ADAMTS10: variants seen among roughly 807,000 people sequenced by gnomAD.
ADAMTS10 encodes A disintegrin and metalloproteinase with thrombospondin motifs 10.
ADAMTS10 carries 48 observed loss-of-function variants against 135.9 expected under a neutral mutation model. That is an observed-to-expected ratio of 0.35 (90% CI 0.28 to 0.45). ADAMTS10 has a LOEUF of 0.45. Among genes scored for constraint, ADAMTS10 ranks in the 20% least tolerant of loss-of-function variants. The probability of loss-of-function intolerance (pLI) is 1.00; values close to 1 mark genes in which losing one functional copy is unlikely to be tolerated. For synonymous variants in ADAMTS10, 621 were observed against 647.5 expected (o/e 0.96, Z 0.62); for missense variants, 1,131 against 1,565.2 (o/e 0.72, Z 4.68).
chr19:8,591,836 C>T lies in ADAMTS10; in HGVS notation c.1761G>A (p.Leu587=), dbSNP rs1568398178. The T allele has an allele frequency of 1.2e-6, 2 of 1,613,802 alleles. No homozygotes were observed. The highest frequency in any genetic ancestry group is 1.7e-6 in the Non-Finnish European group (2 of 1,180,024). The change falls in exon 15 of 26, where the codon CTG becomes CTA. Residue 587 remains leucine, a synonymous_variant. Transcript: ENST00000597188. Reference sequence around the variant, plus strand: ...AGGAGCGGTGCCGCCTTCTCTCACCCAGACAGTACTTGCCCCCGATGGTTG... The same window carrying T: ...AGGAGCGGTGCCGCCTTCTCTCACCTAGACAGTACTTGCCCCCGATGGTTG... ...PRPTIGGKYC[L]GERRRHRSCN...
chr19:8,600,740 T>A (rs142032130), intron 6 of ADAMTS10, among the ~76,000 whole-genome samples, 188 bp downstream of exon 6: 2 of 151,956 alleles, frequency 1.3e-5, no homozygotes, highest in Non-Finnish European at 2.9e-5. Flanking sequence ...CCTTGTGATC[T>A]GCCCGCCTTG....
Position 8,597,294 on chromosome 19 carries a change from C to A in ADAMTS10, c.834G>T (p.Ser278=), listed in dbSNP as rs782449192. 3 of 1,613,874 alleles carry A rather than the reference C, an allele frequency of 1.9e-6. No individual in the cohort carries two copies. The African/African-American group carries it at 4.0e-5, about 22-fold the overall frequency. The change falls in exon 7 of 26, where the codon TCG becomes TCT. Residue 278 remains serine, a synonymous_variant. Coordinates refer to ENST00000597188, the MANE Select transcript of ADAMTS10 (RefSeq NM_030957.4). ...MNIVAKLFQD[S]SLGSTVNILV... is the part of the protein sequence containing the mutation. ...GGATGTTAACGGTGCTTCCCAGACT[C>A]GAGTCCTGGAAAAGTTTGGCAACCT...
At chr19:8,591,766 C>T (rs1182828116) in intron 15 of ADAMTS10, 34 bp downstream of exon 15, 6 of 1,611,310 alleles carry the variant, frequency 3.7e-6, no homozygotes, top group Middle Eastern at 1.7e-4. Context: ...AATGCTTCCT[C>T]CCCCCACCCC....
chr19:8,586,890 T>G lies in ADAMTS10; in HGVS notation c.2165A>C (p.Glu722Ala). ...GCCTTTGGGAATCCAGACGACATCC[T>G]CGTACCCTGAACAGCAGAGCTCAGA... ...FSPASPGAGY[E>A]DVVWIPKGSV... The change falls in exon 19 of 26, where the codon GAG becomes GCG. Residue 722 changes from glutamate to alanine, a missense_variant. Around this residue, in one of 3 missense-constraint regions of ADAMTS10, gnomAD observed 745 missense variants for 1,056.3 expected, o/e 0.71. Transcript: ENST00000597188. The G allele has an allele frequency of 6.2e-7, 1 of 1,614,144 alleles. No individual in the cohort carries two copies. Among genetic ancestry groups the G allele is most frequent in the East Asian group, 2.2e-5 (1 of 44,878 alleles).
chr19:8,585,600 G>A lies in ADAMTS10; in HGVS notation c.2721C>T (p.Arg907=), dbSNP rs782064165. ...SRSCDAGVRS[R]SVVCQRRVSA... is the part of the protein sequence containing the mutation. ...AGACGCGGCGCTGGCACACGACCGA[G>A]CGGCTGCGCACGCCTGCATCGCAGC... The change falls in exon 23 of 26, where the codon CGC becomes CGT. Residue 907 remains arginine (R), a synonymous_variant. Coordinates refer to ENST00000597188, the MANE Select transcript of ADAMTS10 (RefSeq NM_030957.4). The A allele has an allele frequency of 1.2e-6, 2 of 1,610,756 alleles. No individual in the cohort carries two copies. Among genetic ancestry groups the A allele is most frequent in the Non-Finnish European group, 8.5e-7 (1 of 1,179,096 alleles).
chr19:8,585,791 C>T (rs1159798024), intron 22 of ADAMTS10, 131 bp from the exon 23 acceptor site: 1 of 961,214 alleles, frequency 1.0e-6, no homozygotes, highest in East Asian at 2.6e-5. Context: ...CAGGCACCTC[C>T]ACATTCCACA....
chr19:8,586,316 T>C, intron 21 of ADAMTS10, 28 bp downstream of exon 21: 34 of 1,613,448 alleles, frequency 2.1e-5, no homozygotes, highest in Non-Finnish European at 2.8e-5. Flanking sequence ...CCCAGGTATC[T>C]TGTGCCTTCC....
intron 6 of ADAMTS10, among the ~76,000 whole-genome samples, chr19:8,597,848 G>A (rs1288546403): frequency 6.6e-6 from 1 of 151,570 alleles, no homozygotes; most frequent in Non-Finnish European, 1.5e-5. Context: ...TTTTTGTCTA[G>A]GGTGGAGTAC....
In ADAMTS10 at chr19:8,587,763, C is replaced by T. The variant is rs190239325; in HGVS notation, c.2159-867G>A. ...TGGCTAACACGGTGAAACCCCATCT[C>T]TACTAAAAATACAAAAAATTAGCCA... On this transcript the variant is annotated intron_variant, in intron 18 of 25. Coordinates refer to ENST00000597188, the MANE Select transcript of ADAMTS10 (RefSeq NM_030957.4). Among the ~76,000 whole-genome samples, 41 of 151,864 alleles carry T rather than the reference C, an allele frequency of 2.7e-4. No individual in the cohort carries two copies. The East Asian group carries it at 7.8e-3, about 29-fold the overall frequency.
Position 8,592,059 on chromosome 19 carries a change from C to G in ADAMTS10, c.1632G>C (p.Glu544Asp). The G allele has an allele frequency of 6.2e-7, 1 of 1,613,700 alleles. No homozygotes were observed. The highest frequency in any genetic ancestry group is 1.1e-5 in the South Asian group (1 of 91,056). Residue 544 changes from glutamate to aspartate, a missense_variant, in exon 14 of 26, where the codon GAG becomes GAC. Physicochemically the swap from Glu to Asp is conservative, Grantham distance 45. This residue lies in a region of ADAMTS10 where 745 missense variants were observed against 1,056.3 expected (regional missense o/e 0.71). Coordinates refer to ENST00000597188, the MANE Select transcript of ADAMTS10 (RefSeq NM_030957.4). ...ACGGCCCCCAGGCTCCGTCCACACC[C>G]TCTGGGCGCGACCCAAAGGGGACAC... Reference protein sequence around the residue: ...RVCVPFGSRPEGVDGAWGPWT... With the variant: ...RVCVPFGSRPDGVDGAWGPWT...
chr19:8,598,447 G>A (rs1485081553), intron 6 of ADAMTS10, among the ~76,000 whole-genome samples: 5 of 152,044 alleles, frequency 3.3e-5, no homozygotes, highest in African/African-American at 1.2e-4. Context: ...TCTGGAGACA[G>A]TGGTCAGAGG....
At position 8,596,448 on chromosome 19, in the gene ADAMTS10, G is replaced by T. The variant is rs2042606283; in HGVS notation, c.1085-36C>A. 1 of 1,613,220 alleles carries T rather than the reference G, an allele frequency of 6.2e-7. No individual in the cohort carries two copies. The highest frequency in any genetic ancestry group is 1.1e-5 in the South Asian group (1 of 91,048). ...GGACATGTGGGGATGGGGCTGGGAG[G>T]CTCAGGACGGTGCTGGCTGGCCCCA... On this transcript the variant is annotated intron_variant, in intron 9 of 25. Coordinates refer to ENST00000597188, the MANE Select transcript of ADAMTS10 (RefSeq NM_030957.4). The surrounding 1 kb of genome is among the most constrained non-coding windows in gnomAD (Gnocchi z 7.2).
In ADAMTS10 at chr19:8,585,663, G is replaced by A; in HGVS notation, c.2661-3C>T. The stretch of plus-strand genomic sequence containing the variant: ...GCGACCAGTTCCCTACAACCCAGCT[G>A]TAAGAGATGAAGGGGTCTGAGCAAG... On this transcript the variant is annotated splice_polypyrimidine_tract_variant and splice_region_variant and intron_variant, in intron 22 of 25. Transcript: ENST00000597188. The A allele has an allele frequency of 6.2e-7, 1 of 1,612,278 alleles. No individual in the cohort carries two copies. The highest frequency in any genetic ancestry group is 8.5e-7 in the Non-Finnish European group (1 of 1,179,624).
At chr19:8,600,592 A>G (rs1161414451) in intron 6 of ADAMTS10, among the ~76,000 whole-genome samples, 15 of 144,926 alleles carry the variant, frequency 1.0e-4, no homozygotes, top group East Asian at 2.1e-4. Context: ...TCTGCCTCCC[A>G]GGTTCACGCC....
At chr19:8,591,748 C>A in intron 15 of ADAMTS10, 52 bp downstream of exon 15, 2 of 1,606,242 alleles carry the variant, frequency 1.2e-6, no homozygotes, top group Non-Finnish European at 1.7e-6. Flanking sequence ...CCTCTGATAG[C>A]TGTTTTTAAT....
chr19:8,602,455 A>G (rs1338254373), intron 5 of ADAMTS10, among the ~76,000 whole-genome samples: 1 of 152,106 alleles, frequency 6.6e-6, no homozygotes, highest in Non-Finnish European at 1.5e-5. Context: ...AGTAGCTGGA[A>G]TTACAGGTGT....
chr19:8,594,260 A>C (rs959313942), intron 12 of ADAMTS10, among the ~76,000 whole-genome samples: 1 of 152,160 alleles, frequency 6.6e-6, no homozygotes, highest in Admixed American at 6.5e-5. Flanking sequence ...CAGTTTACTC[A>C]TCTACAAGAT....
At chr19:8,592,186 C>G in intron 13 of ADAMTS10, 83 bp from the exon 14 acceptor site, 1 of 1,600,146 alleles carries the variant, frequency 6.2e-7, no homozygotes, top group African/African-American at 1.4e-5. Flanking sequence ...CTCCAGGCCC[C>G]AGCCAGAGAT....
At chr19:8,610,313 G>A (rs2042766672) in intron 1 of ADAMTS10, among the ~76,000 whole-genome samples, 2 of 147,764 alleles carry the variant, frequency 1.4e-5, no homozygotes, top group African/African-American at 5.0e-5. Flanking sequence ...CGCGCACATA[G>A]CAAACCCCTA....
Sources: gnomAD v4.1 joint callset for allele counts (sites outside exome capture counted in the v4.1 genomes callset) on GRCh38, gnomAD v4.1.1 for gene constraint, gnomAD v4.1.1 regional missense constraint, Gnocchi (gnomAD v3.1) non-coding constraint, MANE v1.5 for transcripts, NCBI Gene and HGNC (gene_info 2026-07-23, HGNC 2026-07-21) for gene names.